Variants in CPED1 observed in about 807,000 individuals in gnomAD.
The protein encoded by CPED1 is cadherin-like and PC-esterase domain-containing protein 1.
Under a neutral mutation model 128.2 loss-of-function variants are expected in CPED1, and 114 were observed. The ratio of observed to expected loss-of-function variants is 0.89; its 90% confidence interval spans 0.76 to 1.04. The LOEUF (loss-of-function observed/expected upper bound fraction) is 1.04. Among genes scored for constraint, CPED1 ranks in the 50% least tolerant of loss-of-function variants. CPED1 has a pLI of 0.00. For missense variants in CPED1, 1,211 were observed against 1,207.1 expected, an observed-to-expected ratio of 1.00 and a Z score of -0.05; for synonymous variants, 462 against 426.7, an observed-to-expected ratio of 1.08 and a Z score of -1.02.
intron 22 of CPED1, among the ~76,000 whole-genome samples, chr7:121,292,040 AT>A (rs1792714402): frequency 6.6e-6 from 1 of 152,010 alleles, no homozygotes; most frequent in Non-Finnish European, 1.5e-5. Context: ...TCTTTCTTGA[AT>A]TTGAATGTTG....
At chr7:121,284,773 G>A (rs547631439) in intron 22 of CPED1, among the ~76,000 whole-genome samples, 1 of 152,354 alleles carries the variant, frequency 6.6e-6, no homozygotes, top group South Asian at 2.1e-4. Flanking sequence ...CTGTGGCTTT[G>A]CAGGGTACAG....
chr7:121,067,054 G>A (rs992437973), intron 5 of CPED1, among the ~76,000 whole-genome samples: 1 of 151,958 alleles, frequency 6.6e-6, no homozygotes, highest in East Asian at 1.9e-4. Context: ...ATCCATGGCT[G>A]GGGGGCACAG....
chr7:121,022,894 A>G (rs1792478726), intron 3 of CPED1, among the ~76,000 whole-genome samples: 1 of 151,972 alleles, frequency 6.6e-6, no homozygotes, highest in South Asian at 2.1e-4. Flanking sequence ...AACATATATT[A>G]TGATCCAGAA....
chr7:121,241,576 G>A lies in CPED1; in HGVS notation c.2174-2626G>A, dbSNP rs112428362. Among the ~76,000 whole-genome samples the A allele has an allele frequency of 1.4e-3, 213 of 152,078 alleles. 2 individuals carry two copies. The highest frequency in any genetic ancestry group is 4.8e-3 in the African/African-American group (200 of 41,498). On this transcript the variant is annotated intron_variant, in intron 17 of 22. Transcript: ENST00000310396. ...ACCCTCGTTTTCTCCAAGATATGCA[G>A]TCAGTTCTTCTGGCTCACTCCTGTC...
chr7:121,142,386 C>CA (rs1036071432), intron 16 of CPED1, among the ~76,000 whole-genome samples: 5 of 151,324 alleles, frequency 3.3e-5, no homozygotes, highest in East Asian at 1.9e-4. Context: ...GGTTAATGTT[C>CA]AAAAAAAATG....
In CPED1 at chr7:121,117,345, C is replaced by T. The variant is rs146540441; in HGVS notation, c.919-6986C>T. 6.9e-3 allele frequency among the ~76,000 whole-genome samples: 1,041 copies of T among 151,962 alleles called. 10 individuals carry two copies. The highest frequency in any genetic ancestry group is 0.012 in the Non-Finnish European group (800 of 67,954). On this transcript the variant is annotated intron_variant, in intron 7 of 22. Transcript: ENST00000310396. Reference sequence around the variant, plus strand: ...TGAACTAATGACCTCAGGTGATCCACCTGCCTCGGCCTCCCAAAGTGCTGG... The same window carrying T: ...TGAACTAATGACCTCAGGTGATCCATCTGCCTCGGCCTCCCAAAGTGCTGG...
chr7:121,238,626 G>T (rs1798315064), intron 17 of CPED1, among the ~76,000 whole-genome samples: 1 of 152,046 alleles, frequency 6.6e-6, no homozygotes, highest in African/African-American at 2.4e-5. Context: ...CGAAGAGGAG[G>T]AAGTGGCACA....
chr7:121,296,108 A>T lies in CPED1; in HGVS notation c.*456A>T, dbSNP rs1478199678. On this transcript the variant is annotated 3_prime_UTR_variant, in exon 23 of 23. Coordinates refer to ENST00000310396, the MANE Select transcript of CPED1 (RefSeq NM_024913.5). Reference sequence around the variant, plus strand: ...AGTAGAAGTTGTCCTTTCATTCTTTACCAGGAGAAAATGTGATGTTTATGA... The same window carrying T: ...AGTAGAAGTTGTCCTTTCATTCTTTTCCAGGAGAAAATGTGATGTTTATGA... The T allele has an allele frequency of 6.5e-6, 1 of 153,552 alleles. No homozygotes were observed. The highest frequency in any genetic ancestry group is 1.5e-5 in the Non-Finnish European group (1 of 68,698). The allele number at this position is 153,552 out of a possible 1,614,324, so 9.5% of individuals were successfully genotyped here.
chr7:121,063,350 C>G (rs572315242), intron 4 of CPED1, among the ~76,000 whole-genome samples: 9 of 88,514 alleles, frequency 1.0e-4, no homozygotes, highest in African/African-American at 3.3e-4. Flanking sequence ...ACTAAAAGCT[C>G]TAAATGCTTT....
Position 121,106,082 on chromosome 7 carries a change from G to A in CPED1, c.918+5988G>A, listed in dbSNP as rs578250134. 7.4e-4 allele frequency among the ~76,000 whole-genome samples: 112 copies of A among 152,072 alleles called. No individual in the cohort carries two copies. The Middle Eastern group carries it at 0.014, about 18-fold the overall frequency. On this transcript the variant is annotated intron_variant, in intron 7 of 22. Transcript: ENST00000310396. The stretch of plus-strand genomic sequence containing the variant: ...GCTCAAAAATGTTTATCAGTGAATC[G>A]TTGTCTATCATCCTTATTTTAATTA...
chr7:121,230,909 T>G (rs1302693425), intron 16 of CPED1, among the ~76,000 whole-genome samples: 1 of 151,986 alleles, frequency 6.6e-6, no homozygotes, highest in Non-Finnish European at 1.5e-5. Context: ...ACCTATGATA[T>G]CTGTCATAGT....
At chr7:121,200,888 G>A (rs1797380326) in intron 16 of CPED1, among the ~76,000 whole-genome samples, 1 of 152,024 alleles carries the variant, frequency 6.6e-6, no homozygotes, top group Non-Finnish European at 1.5e-5. Flanking sequence ...GCAGCAAAGG[G>A]TCTCTCAGAC....
intron 11 of CPED1, among the ~76,000 whole-genome samples, chr7:121,129,287 GTATATATATATATA>G (rs374141620): frequency 1.2e-4 from 6 of 52,028 alleles, no homozygotes; most frequent in Non-Finnish European, 2.8e-4. Context: ...GTGTATATAT[GTATATATATATATA>G]TATATATATA....
intron 3 of CPED1, among the ~76,000 whole-genome samples, chr7:121,022,617 G>T (rs1037795543): frequency 1.6e-4 from 24 of 152,024 alleles, no homozygotes; most frequent in African/African-American, 5.8e-4. Flanking sequence ...ATGTAGGTTT[G>T]TGGGTCATCT....
intron 2 of CPED1, among the ~76,000 whole-genome samples, chr7:120,993,476 T>C (rs74447451): frequency 1.4e-4 from 22 of 152,354 alleles, no homozygotes; most frequent in African/African-American, 5.3e-4. Flanking sequence ...CCATTCTATA[T>C]GACATCTACT....
chr7:121,143,194 A>G (rs143978658), intron 16 of CPED1, among the ~76,000 whole-genome samples: 12 of 152,182 alleles, frequency 7.9e-5, no homozygotes, highest in Non-Finnish European at 1.6e-4. Context: ...TGTTATTCTC[A>G]AAGATATTAA....
intron 16 of CPED1, among the ~76,000 whole-genome samples, chr7:121,175,843 G>C (rs959290321): frequency 2.0e-5 from 3 of 152,062 alleles, no homozygotes; most frequent in Non-Finnish European, 2.9e-5. Context: ...GCCAGCACCA[G>C]AGTGAGCCAG....
chr7:121,287,891 C>T (rs1168441953), intron 22 of CPED1, among the ~76,000 whole-genome samples: 5 of 152,030 alleles, frequency 3.3e-5, no homozygotes, highest in African/African-American at 1.2e-4. Flanking sequence ...GTAATGGGAT[C>T]TTTTCTCTAA....
At position 121,140,991 on chromosome 7, in the gene CPED1, C is replaced by G; in HGVS notation, c.1864C>G (p.Leu622Val). 6.2e-7 allele frequency: 1 copy of G among 1,610,888 alleles called. No homozygotes were observed. Among genetic ancestry groups the G allele is most frequent in the African/African-American group, 1.3e-5 (1 of 74,836 alleles). ...TCCTAAGTGTCTGTGCAAGGTGCAC[C>G]TGTACGAGCAGGCAGGGCCAAGGTA... The part of the protein sequence containing the change: ...ETPKCLCKVH[L>V]YEQAGPSFAS... The change falls in exon 15 of 23, where the codon CTG (leucine) becomes GTG (valine). Residue 622 changes from leucine (L) to valine (V), a missense_variant. Physicochemically the swap from Leu to Val is conservative, Grantham distance 32. Transcript: ENST00000310396.
Sources: allele counts gnomAD v4.1 joint callset (sites outside exome capture counted in the v4.1 genomes callset), GRCh38; gene constraint gnomAD v4.1.1; transcripts MANE v1.5; gene names NCBI Gene and HGNC (gene_info 2026-07-23, HGNC 2026-07-21).